RGS6: variants seen among roughly 807,000 people sequenced by gnomAD.
RGS6 encodes regulator of G-protein signaling 6.
In RGS6, 30 loss-of-function variants were observed where a neutral mutation model predicts 78.5. That is an observed-to-expected ratio of 0.38 (90% CI 0.29 to 0.52). The LOEUF (loss-of-function observed/expected upper bound fraction) is 0.52. Ranked by LOEUF, RGS6 falls within the 20% of genes least tolerant of loss-of-function variation. The pLI is 0.85. For missense variants in RGS6, 495 were observed against 609.7 expected (o/e 0.81, Z 1.98); for synonymous variants, 206 against 206.0 (o/e 1.00, Z 0.00).
intron 12 of RGS6, among the ~76,000 whole-genome samples, chr14:72,489,531 A>G (rs1370319196): frequency 6.6e-6 from 1 of 152,242 alleles, no homozygotes; most frequent in African/African-American, 2.4e-5. Context: ...GGATATCTAC[A>G]TAAATCATTA....
chr14:72,353,041 G>A (rs760531033), intron 3 of RGS6, among the ~76,000 whole-genome samples: 2 of 152,158 alleles, frequency 1.3e-5, no homozygotes, highest in Non-Finnish European at 2.9e-5. Context: ...AATATTGACA[G>A]TACCAAGTGG....
chr14:72,218,128 C>A (rs2046016838), intron 2 of RGS6, among the ~76,000 whole-genome samples: 1 of 152,072 alleles, frequency 6.6e-6, no homozygotes, highest in African/African-American at 2.4e-5. Context: ...AGGTTGTTTT[C>A]TATTGTTGCT....
At position 72,385,314 on chromosome 14, in the gene RGS6, G is replaced by A. The variant is rs569780837; in HGVS notation, c.184+33120G>A. On this transcript the variant is annotated intron_variant, in intron 3 of 17. Transcript: ENST00000553525. Reference sequence around the variant, plus strand: ...TGCTAAAAATATGTTAAAAGGGGGCGTCATTTTTTCAATTTCTCTTAGGGA... The same window carrying A: ...TGCTAAAAATATGTTAAAAGGGGGCATCATTTTTTCAATTTCTCTTAGGGA... Among the ~76,000 whole-genome samples, 57 of 152,206 alleles carry A rather than the reference G, an allele frequency of 3.7e-4. No individual in the cohort carries two copies. In the South Asian group the frequency reaches 0.01, roughly 28 times the overall value.
the RGS6 span, among the ~76,000 whole-genome samples, chr14:71,914,335 G>A: frequency 6.6e-6 from 1 of 152,190 alleles, no homozygotes; most frequent in African/African-American, 2.4e-5. Flanking sequence ...GTGGAAATGA[G>A]GTTGCTTTGG....
chr14:72,625,951 T>G, the RGS6 span, among the ~76,000 whole-genome samples: 7,129 of 152,252 alleles, frequency 0.047, 348 homozygotes, highest in East Asian at 0.15. Context: ...CCTATGAAAA[T>G]AAATTAACTA....
At chr14:72,362,856 A>G (rs944259600) in intron 3 of RGS6, among the ~76,000 whole-genome samples, 3 of 152,200 alleles carry the variant, frequency 2.0e-5, no homozygotes, top group African/African-American at 4.8e-5. Flanking sequence ...GGGCATTACC[A>G]TAACAATCTA....
intron 2 of RGS6, among the ~76,000 whole-genome samples, chr14:72,148,032 A>G (rs1005429928): frequency 6.6e-6 from 1 of 151,446 alleles, no homozygotes; most frequent in Non-Finnish European, 1.5e-5. Flanking sequence ...TCAGGAGACT[A>G]AGGCAGGAGA....
At chr14:72,305,476 A>C (rs1453903996) in intron 2 of RGS6, among the ~76,000 whole-genome samples, 1 of 152,140 alleles carries the variant, frequency 6.6e-6, no homozygotes, top group African/African-American at 2.4e-5. Context: ...TGTTTACTCC[A>C]TATCTGTGTG....
chr14:72,557,283 C>T (rs2097593067), intron 17 of RGS6, among the ~76,000 whole-genome samples: 1 of 152,224 alleles, frequency 6.6e-6, no homozygotes, highest in Admixed American at 6.5e-5. Context: ...CCATCCCCTG[C>T]CAGCGTTTCT....
At chr14:72,580,286 C>A in the RGS6 span, among the ~76,000 whole-genome samples, 2 of 149,430 alleles carry the variant, frequency 1.3e-5, no homozygotes, top group Admixed American at 1.3e-4. Context: ...CTTCCCTAGA[C>A]CCTGTATCTC....
chr14:72,629,627 A>G, the RGS6 span: 2 of 1,535,662 alleles, frequency 1.3e-6, no homozygotes, highest in Non-Finnish European at 1.7e-6. Context: ...AACTCACATC[A>G]TTCTCTGAGG....
At chr14:72,280,783 G>A (rs1366606751) in intron 2 of RGS6, among the ~76,000 whole-genome samples, 1 of 152,164 alleles carries the variant, frequency 6.6e-6, no homozygotes, top group Non-Finnish European at 1.5e-5. Context: ...ACTTGTCTGA[G>A]ACCTCTTGCT....
At chr14:72,262,890 G>A (rs937474850) in intron 2 of RGS6, among the ~76,000 whole-genome samples, 4 of 152,054 alleles carry the variant, frequency 2.6e-5, no homozygotes, top group Admixed American at 6.5e-5. Flanking sequence ...GTCCCCCCAT[G>A]TTGGCCCCTC....
At chr14:71,974,212 C>T (rs763895670) in intron 2 of RGS6, among the ~76,000 whole-genome samples, 1 of 151,758 alleles carries the variant, frequency 6.6e-6, no homozygotes, top group Non-Finnish European at 1.5e-5. Context: ...AAAATAAAAG[C>T]GAATAGATAC....
At chr14:71,953,968 C>CGTTTT (rs1181791680) in intron 1 of RGS6, among the ~76,000 whole-genome samples, 108 of 7,012 alleles carry the variant, frequency 0.015, 2 homozygotes, top group Admixed American at 0.053. Context: ...TCTAAGTGGG[C>CGTTTT]GTTTTTTTTT....
At chr14:72,348,981 A>G (rs567422002) in intron 2 of RGS6, among the ~76,000 whole-genome samples, 1 of 152,034 alleles carries the variant, frequency 6.6e-6, no homozygotes, top group Non-Finnish European at 1.5e-5. Flanking sequence ...CCTGGCTAAC[A>G]TGGTGAAACC....
intron 8 of RGS6, among the ~76,000 whole-genome samples, chr14:72,472,589 G>C (rs1460056630): frequency 1.3e-5 from 2 of 152,130 alleles, no homozygotes; most frequent in Non-Finnish European, 2.9e-5. Context: ...ATGAACAGCT[G>C]CATTCTTATT....
chr14:72,285,037 C>T (rs1313497701), intron 2 of RGS6, among the ~76,000 whole-genome samples: 1 of 152,198 alleles, frequency 6.6e-6, no homozygotes, highest in African/African-American at 2.4e-5. Flanking sequence ...AACGCCTGTA[C>T]CCCCATTGTA....
the RGS6 span, among the ~76,000 whole-genome samples, chr14:71,897,322 T>G: frequency 3.3e-5 from 5 of 152,172 alleles, no homozygotes; most frequent in Non-Finnish European, 5.9e-5. Context: ...GCAAATTGCT[T>G]AATCTCTCCA....
Sources: allele counts gnomAD v4.1 joint callset (sites outside exome capture counted in the v4.1 genomes callset), GRCh38; gene constraint gnomAD v4.1.1; transcripts MANE v1.5; gene names NCBI Gene and HGNC (gene_info 2026-07-23, HGNC 2026-07-21).